The following FAM161B variants were observed in gnomAD, a reference collection of about 807,000 sequenced individuals.
FAM161B encodes FAM161 centrosomal protein B.
In FAM161B, 46 loss-of-function variants were observed where a neutral mutation model predicts 61.5. The observed-to-expected ratio is 0.75, with a 90% CI of 0.59 to 0.96. The LOEUF is 0.96. Among genes scored for constraint, FAM161B ranks in the 40% least tolerant of loss-of-function variants. The probability of loss-of-function intolerance (pLI) is 0.00; values close to 1 mark genes in which losing one functional copy is unlikely to be tolerated. For missense variants in FAM161B, 774 were observed against 800.7 expected, an observed-to-expected ratio of 0.97 and a Z score of 0.40; for synonymous variants, 284 against 302.7, an observed-to-expected ratio of 0.94 and a Z score of 0.64.
chr14:73,924,234 C>G, the FAM161B span, among the ~76,000 whole-genome samples: 3 of 152,078 alleles, frequency 2.0e-5, no homozygotes, highest in African/African-American at 7.2e-5. Flanking sequence ...AACCTAGATC[C>G]CTCAAATACA....
chr14:73,934,513 A>G, intron 8 of FAM161B, 119 bp from the exon 9 acceptor site: 1 of 918,446 alleles, frequency 1.1e-6, no homozygotes, highest in Non-Finnish European at 1.5e-6. Context: ...TGGACAGCCC[A>G]GCTGAAGCAA....
chr14:73,928,425 G>C (rs12432077), downstream of FAM161B, among the ~76,000 whole-genome samples: 51,012 of 151,974 alleles, frequency 0.34, 9,661 homozygotes, highest in Non-Finnish European at 0.42. Flanking sequence ...CTAGTCTCTT[G>C]AAAGGTCTTA....
intron 5 of FAM161B, among the ~76,000 whole-genome samples, 196 bp from the exon 6 acceptor site, chr14:73,938,308 A>G (rs2055988205): frequency 6.6e-6 from 1 of 151,856 alleles, no homozygotes; most frequent in Admixed American, 6.6e-5. Flanking sequence ...AAAATACAAA[A>G]ATTAGCTGGG....
At chr14:73,930,108 A>G (rs1203757565), downstream of FAM161B, among the ~76,000 whole-genome samples, 1 of 152,182 alleles carries the variant, frequency 6.6e-6, no homozygotes, top group African/African-American at 2.4e-5. Flanking sequence ...TGCTTTCCAA[A>G]TCAAGGCACA....
chr14:73,927,832 A>ATT (rs11461357), downstream of FAM161B: 5,039 of 143,430 alleles, frequency 0.035, 211 homozygotes, highest in African/African-American at 0.1. Flanking sequence ...TCAACCGGCA[A>ATT]TTTTTTTTTT....
chr14:73,931,865 G>A (rs2055920901), downstream of FAM161B: 3 of 445,922 alleles, frequency 6.7e-6, no homozygotes, highest in South Asian at 5.1e-5. Flanking sequence ...GACTGTTGAG[G>A]GGAGGTTTTC....
At chr14:73,932,170 C>CAT (rs2055926342), downstream of FAM161B, 3 of 355,844 alleles carry the variant, frequency 8.4e-6, no homozygotes. Flanking sequence ...GTTAATGGAA[C>CAT]ATACAGTAGC....
At chr14:73,931,639 C>G (rs1594773080), downstream of FAM161B, 20 of 1,126,950 alleles carry the variant, frequency 1.8e-5, no homozygotes, top group Non-Finnish European at 2.6e-5. Flanking sequence ...CAGAATGAAT[C>G]TTTGAAGGCA....
chr14:73,925,294 T>A, the FAM161B span, among the ~76,000 whole-genome samples: 1 of 152,216 alleles, frequency 6.6e-6, no homozygotes. Context: ...TCCATTTTTC[T>A]TGTCTTCATT....
At chr14:73,945,492 G>A (rs1363027878) in intron 2 of FAM161B, among the ~76,000 whole-genome samples, 7 of 151,992 alleles carry the variant, frequency 4.6e-5, no homozygotes, top group Admixed American at 2.0e-4. Context: ...CAAGCTGGGC[G>A]TGATCTTGGC....
chr14:73,934,440 C>A, intron 8 of FAM161B, 46 bp from the exon 9 acceptor site: 1 of 1,559,420 alleles, frequency 6.4e-7, no homozygotes, highest in Non-Finnish European at 8.7e-7. Context: ...ATTTTTTTTT[C>A]AGACAGGGTC....
At chr14:73,949,946 CG>C (rs761431020) in intron 1 of FAM161B, 26 bp downstream of exon 1, 281 of 1,612,160 alleles carry the variant, frequency 1.7e-4, no homozygotes, top group Non-Finnish European at 2.3e-4. Flanking sequence ...ATTCCTTTCC[CG>C]GGGGCAGTCT....
At chr14:73,927,833 T>G (rs1343945585), downstream of FAM161B, 4 of 4,670 alleles carry the variant, frequency 8.6e-4, no homozygotes, top group Non-Finnish European at 2.5e-3. Flanking sequence ...CAACCGGCAA[T>G]TTTTTTTTTT....
At chr14:73,928,210 G>A (rs548498181), downstream of FAM161B, among the ~76,000 whole-genome samples, 3 of 152,308 alleles carry the variant, frequency 2.0e-5, no homozygotes, top group South Asian at 2.1e-4. Flanking sequence ...TAGAGTTTAA[G>A]TTGAGATGGG....
downstream of FAM161B, chr14:73,931,645 A>AG: frequency 9.3e-7 from 1 of 1,079,442 alleles, no homozygotes; most frequent in African/African-American, 1.6e-5. Context: ...GAATCTTTGA[A>AG]GGCACAAGAC....
In FAM161B at chr14:73,934,137, C is replaced by G; in HGVS notation, c.*119G>C. The G allele has an allele frequency of 8.0e-7, 1 of 1,248,032 alleles. No individual in the cohort carries two copies. The highest frequency in any genetic ancestry group is 1.5e-5 in the South Asian group (1 of 66,196). The allele number at this position is 1,248,032 out of a possible 1,614,324, so 77.3% of individuals were successfully genotyped here. ...GCGCCTGGCCTGTTAATCTGCTACT[C>G]TTCATTTGTCCATCCTCTAACAGTA... On this transcript the variant is annotated 3_prime_UTR_variant, in exon 9 of 9. Coordinates refer to ENST00000286544, the MANE Select transcript of FAM161B (RefSeq NM_152445.3).
In FAM161B at chr14:73,946,446, G is replaced by GTA. The variant is rs1362532003; in HGVS notation, c.212_213dup (p.Gln72TyrfsTer4). Reference sequence around the variant, plus strand: ...CATCTCCCTTTCTGCTTCAGTTCCTGTAAGTTCTGGTAAATGCTCCCAGTT... The same window carrying GTA: ...CATCTCCCTTTCTGCTTCAGTTCCTGTATAAGTTCTGGTAAATGCTCCCAGTT... On this transcript the variant is annotated frameshift_variant, in exon 2 of 9. Coordinates refer to ENST00000286544, the MANE Select transcript of FAM161B (RefSeq NM_152445.3). LOFTEE classifies it high-confidence loss of function. The GTA allele has an allele frequency of 2.5e-6, 4 of 1,614,038 alleles. No individual in the cohort carries two copies. Among genetic ancestry groups the GTA allele is most frequent in the Non-Finnish European group, 3.4e-6 (4 of 1,180,046 alleles).
chr14:73,925,831 A>G, the FAM161B span, among the ~76,000 whole-genome samples: 23 of 152,288 alleles, frequency 1.5e-4, no homozygotes, highest in African/African-American at 5.3e-4. Context: ...CAGGAGTTCA[A>G]GACCAGCCTG....
chr14:73,947,402 A>T (rs968358816), intron 1 of FAM161B, among the ~76,000 whole-genome samples: 5 of 151,628 alleles, frequency 3.3e-5, no homozygotes, highest in African/African-American at 9.7e-5. Context: ...AAAAAAAAAA[A>T]AAGGAATGGA....
Sources: gnomAD v4.1 joint callset for allele counts (sites outside exome capture counted in the v4.1 genomes callset) on GRCh38, gnomAD v4.1.1 for gene constraint, MANE v1.5 for transcripts, NCBI Gene and HGNC (gene_info 2026-07-23, HGNC 2026-07-21) for gene names.